The following ANTXR1 variants were observed in gnomAD, a reference collection of about 807,000 sequenced individuals.
ANTXR1 encodes anthrax toxin receptor 1.
In ANTXR1, 19 loss-of-function variants were observed where a neutral mutation model predicts 78.1. The observed-to-expected ratio is 0.24, with a 90% CI of 0.17 to 0.36. ANTXR1 has a LOEUF of 0.36. ANTXR1 is among the 10% of genes least tolerant of loss of function. The pLI is 1.00. For synonymous variants in ANTXR1, 273 were observed against 260.5 expected (o/e 1.05, Z -0.46); for missense variants, 518 against 718.6 (o/e 0.72, Z 3.19).
intron 3 of ANTXR1, among the ~76,000 whole-genome samples, chr2:69,056,391 T>G (rs1383290293): frequency 6.6e-6 from 1 of 152,122 alleles, no homozygotes; most frequent in Non-Finnish European, 1.5e-5. Flanking sequence ...TGCCTCCTCA[T>G]GAACTCCAGG....
chr2:69,147,856 C>T (rs999221362), intron 12 of ANTXR1, among the ~76,000 whole-genome samples: 1 of 152,202 alleles, frequency 6.6e-6, no homozygotes, highest in African/African-American at 2.4e-5. Context: ...TCCTACAAGG[C>T]TGTTTTACCG....
chr2:69,143,756 G>A (rs1673137940), intron 12 of ANTXR1, among the ~76,000 whole-genome samples: 1 of 151,878 alleles, frequency 6.6e-6, no homozygotes, highest in Admixed American at 6.5e-5. Flanking sequence ...TTTTTAAAGA[G>A]GAGGAAAAAG....
At chr2:69,044,066 G>A (rs1431672621) in intron 2 of ANTXR1, among the ~76,000 whole-genome samples, 1 of 152,184 alleles carries the variant, frequency 6.6e-6, no homozygotes, top group East Asian at 1.9e-4. Flanking sequence ...TCAGGTGAGA[G>A]TGCTTCTGTC....
intron 13 of ANTXR1, among the ~76,000 whole-genome samples, chr2:69,165,596 GA>G (rs1673805538): frequency 1.3e-5 from 2 of 152,234 alleles, no homozygotes; most frequent in African/African-American, 4.8e-5. Flanking sequence ...CAAAACAGGG[GA>G]CCACAAGGAA....
At chr2:69,030,992 T>G (rs1010129224) in intron 1 of ANTXR1, among the ~76,000 whole-genome samples, 1 of 152,230 alleles carries the variant, frequency 6.6e-6, no homozygotes, top group African/African-American at 2.4e-5. Flanking sequence ...AAATAAAATT[T>G]TATTGTAGTA....
At chr2:69,065,589 GAACA>G (rs1055973040) in intron 3 of ANTXR1, among the ~76,000 whole-genome samples, 1 of 152,048 alleles carries the variant, frequency 6.6e-6, no homozygotes, top group Non-Finnish European at 1.5e-5. Flanking sequence ...TAAGGGAAAT[GAACA>G]AATATCTGGG....
At chr2:69,189,696 C>T (rs552194725) in intron 16 of ANTXR1, among the ~76,000 whole-genome samples, 6 of 152,196 alleles carry the variant, frequency 3.9e-5, no homozygotes, top group African/African-American at 1.2e-4. Context: ...AGAACATTAA[C>T]GAGACACGGT....
intron 10 of ANTXR1, among the ~76,000 whole-genome samples, chr2:69,111,794 T>C (rs1671989093): frequency 6.6e-6 from 1 of 152,210 alleles, no homozygotes; most frequent in South Asian, 2.1e-4. Context: ...CCAGAGGGTG[T>C]TGTTTTCAAA....
At position 69,067,927 on chromosome 2, in the gene ANTXR1, G is replaced by T. The variant is rs1408524720; in HGVS notation, c.297-2720G>T. 2.6e-5 allele frequency among the ~76,000 whole-genome samples: 4 copies of T among 152,094 alleles called. No homozygotes were observed. The East Asian group carries it at 7.7e-4, about 29-fold the overall frequency. On this transcript the variant is annotated intron_variant, in intron 3 of 17. Coordinates refer to ENST00000303714, the MANE Select transcript of ANTXR1 (RefSeq NM_032208.3). ...TGAAATTAAAGTATGCCTTTTGATG[G>T]GATTTATTGGAATATTAGAGGTAAT...
chr2:69,176,684 G>A (rs561042946), intron 14 of ANTXR1, among the ~76,000 whole-genome samples: 1 of 152,320 alleles, frequency 6.6e-6, no homozygotes, highest in East Asian at 1.9e-4. Flanking sequence ...GCTTGAGTTA[G>A]TGAAATAATT....
intron 3 of ANTXR1, among the ~76,000 whole-genome samples, chr2:69,062,526 A>G (rs1471662346): frequency 6.6e-6 from 1 of 152,202 alleles, no homozygotes; most frequent in African/African-American, 2.4e-5. Flanking sequence ...GCCCAGCCCA[A>G]GCTCACCCTG....
At chr2:69,175,405 G>C (rs372111757) in intron 14 of ANTXR1, among the ~76,000 whole-genome samples, 1 of 135,130 alleles carries the variant, frequency 7.4e-6, no homozygotes, top group Non-Finnish European at 1.5e-5. Context: ...CCAGGAGTTC[G>C]AGACCAGCCT....
chr2:69,052,374 C>T (rs1010872404), intron 3 of ANTXR1, among the ~76,000 whole-genome samples: 1 of 151,900 alleles, frequency 6.6e-6, no homozygotes, highest in Non-Finnish European at 1.5e-5. Context: ...TATTCACCTC[C>T]AGGTAAATAT....
chr2:69,077,213 C>G (rs1252999451), intron 7 of ANTXR1, 195 bp from the exon 8 acceptor site: 1 of 621,084 alleles, frequency 1.6e-6, no homozygotes, highest in African/African-American at 1.8e-5. Flanking sequence ...AACCCTTGGC[C>G]TGCTCCAGAG....
chr2:69,149,332 G>A (rs539220399), intron 12 of ANTXR1, among the ~76,000 whole-genome samples: 1 of 152,260 alleles, frequency 6.6e-6, no homozygotes, highest in African/African-American at 2.4e-5. Context: ...CTGGAGAAAA[G>A]CCAGCTATCA....
In ANTXR1 at chr2:69,152,539, T is replaced by A. The variant is rs13416633; in HGVS notation, c.1047+275T>A. ...CTTTAGTTCTGGTGCTTAGGGAAGATCCACAGGACAACACAAATGATGAGT... is the reference window on the plus strand; with the variant it reads ...CTTTAGTTCTGGTGCTTAGGGAAGAACCACAGGACAACACAAATGATGAGT... On this transcript the variant is annotated intron_variant, in intron 13 of 17. Coordinates refer to ENST00000303714, the MANE Select transcript of ANTXR1 (RefSeq NM_032208.3). 9.9e-3 allele frequency among the ~76,000 whole-genome samples: 1,502 copies of A among 152,194 alleles called. 26 individuals carry two copies. Among genetic ancestry groups the A allele is most frequent in the African/African-American group, 0.034 (1,423 of 41,512 alleles).
chr2:69,151,080 T>C (rs1673377731), intron 12 of ANTXR1, among the ~76,000 whole-genome samples: 1 of 152,108 alleles, frequency 6.6e-6, no homozygotes, highest in African/African-American at 2.4e-5. Flanking sequence ...AGTAACCGAT[T>C]GCGTAGTAAT....
intron 16 of ANTXR1, among the ~76,000 whole-genome samples, chr2:69,187,241 C>A (rs577701929): frequency 1.3e-5 from 2 of 152,154 alleles, no homozygotes; most frequent in Non-Finnish European, 2.9e-5. Flanking sequence ...ACACTTCCCC[C>A]CTTCCTCATT....
At chr2:69,204,424 C>T (rs1183080957) in intron 17 of ANTXR1, among the ~76,000 whole-genome samples, 4 of 152,146 alleles carry the variant, frequency 2.6e-5, no homozygotes, top group African/African-American at 9.7e-5. Flanking sequence ...ATCCCAGACC[C>T]TTCATTTTAG....
Sources: gnomAD v4.1 joint callset for allele counts (sites outside exome capture counted in the v4.1 genomes callset) on GRCh38, gnomAD v4.1.1 for gene constraint, MANE v1.5 for transcripts, NCBI Gene and HGNC (gene_info 2026-07-23, HGNC 2026-07-21) for gene names.